The following RAD54B variants were observed in gnomAD, a reference collection of about 807,000 sequenced individuals.
RAD54B encodes DNA repair and recombination protein RAD54B.
RAD54B carries 78 observed loss-of-function variants against 95.8 expected under a neutral mutation model. The ratio of observed to expected loss-of-function variants is 0.81; its 90% CI spans 0.68 to 0.98. RAD54B has a LOEUF of 0.98. Ranked by LOEUF, RAD54B falls within the 50% of genes least tolerant of loss-of-function variation. The probability of loss-of-function intolerance (pLI) is 0.00; values close to 1 mark genes in which losing one functional copy is unlikely to be tolerated. For missense variants in RAD54B, 957 were observed against 1,056.6 expected (o/e 0.91, Z 1.31); for synonymous variants, 328 against 354.9 (o/e 0.92, Z 0.85).
intron 3 of RAD54B, chr8:94,431,761 A>C (rs1417443885): frequency 1.0e-6 from 1 of 997,408 alleles, no homozygotes; most frequent in Non-Finnish European, 1.2e-6. Context: ...AATTAGACTG[A>C]CTTAAAAATC....
At chr8:94,468,553 C>T (rs771445189) in intron 1 of RAD54B, among the ~76,000 whole-genome samples, 42 of 151,586 alleles carry the variant, frequency 2.8e-4, no homozygotes, top group Non-Finnish European at 4.9e-4. Context: ...AGGCCGAGCA[C>T]GGTGGCTCAT....
At chr8:94,452,318 T>G (rs2130163752) in intron 3 of RAD54B, among the ~76,000 whole-genome samples, 1 of 152,352 alleles carries the variant, frequency 6.6e-6, no homozygotes, top group South Asian at 2.1e-4. Flanking sequence ...TTTTGACTGT[T>G]GTACTTCTGT....
rs7818157 is a variant in RAD54B at position 94,399,347 on chromosome 8, C to T, written c.1378+67G>A. On this transcript the variant is annotated intron_variant, in intron 8 of 14. Coordinates refer to ENST00000336148, the MANE Select transcript of RAD54B (RefSeq NM_012415.3). The stretch of plus-strand genomic sequence containing the variant: ...CACCAGTTATTTGAATGTTAAGCAT[C>T]ATAGTACAAGTCTGTATGTTCACTA... The T allele has an allele frequency of 2.7e-3, 3,276 of 1,226,654 alleles. 62 individuals carry two copies. The African/African-American group carries it at 0.043, about 16-fold the overall frequency. The allele number at this position is 1,226,654 out of a possible 1,614,324, so 76.0% of individuals were successfully genotyped here. A position where few individuals can be genotyped will look rare whatever the true frequency, so the allele number is the denominator to read the frequency against.
At chr8:94,461,465 G>A (rs542522215) in intron 2 of RAD54B, among the ~76,000 whole-genome samples, 14 of 151,028 alleles carry the variant, frequency 9.3e-5, no homozygotes, top group African/African-American at 3.4e-4. Context: ...CACCACACCC[G>A]GCCATAAATA....
intron 3 of RAD54B, 34 bp from the exon 4 acceptor site, chr8:94,411,349 A>G: frequency 2.0e-6 from 3 of 1,503,394 alleles, no homozygotes; most frequent in Non-Finnish European, 2.7e-6. Flanking sequence ...ATTATTAAAA[A>G]TGACTTTAAT....
chr8:94,371,998 A>G lies in RAD54B; in HGVS notation c.*172T>C. ...GCACATCTTTATTTTTCATTTAAAC[A>G]CTTAATATTTACAAAACATTAAACC... On this transcript the variant is annotated 3_prime_UTR_variant, in exon 15 of 15. Transcript: ENST00000336148. The G allele has an allele frequency of 9.0e-7, 1 of 1,117,246 alleles. No homozygotes were observed. The highest frequency in any genetic ancestry group is 1.2e-6 in the Non-Finnish European group (1 of 841,602). 69.2% of individuals were successfully genotyped at this position (1,117,246 alleles called of 1,614,324 possible).
At chr8:94,422,639 T>A (rs1307746475) in intron 3 of RAD54B, among the ~76,000 whole-genome samples, 14 of 105,698 alleles carry the variant, frequency 1.3e-4, no homozygotes, top group South Asian at 3.3e-4. Context: ...TATATATATA[T>A]ATATATATAT....
Position 94,399,581 on chromosome 8 carries a change from G to C in RAD54B, c.1211C>G (p.Ser404Cys), listed in dbSNP as rs1293135582. The C allele has an allele frequency of 2.5e-6, 4 of 1,611,960 alleles. No homozygotes were observed. The highest frequency in any genetic ancestry group is 3.4e-6 in the Non-Finnish European group (4 of 1,179,242). The change falls in exon 8 of 15, where the codon TCT becomes TGT. Residue 404 changes from serine to cysteine, a missense_variant. Coordinates refer to ENST00000336148, the MANE Select transcript of RAD54B (RefSeq NM_012415.3). ...CATTTCATAACTGATAATAAGAACA[G>C]AATAAAATATAGACTTGATGAATTC... ...VEEFIKSIFY[S>C]VLIISYEMLL...
chr8:94,381,059 A>G (rs1330661812), intron 11 of RAD54B, among the ~76,000 whole-genome samples: 1 of 152,228 alleles, frequency 6.6e-6, no homozygotes, highest in Non-Finnish European at 1.5e-5. Flanking sequence ...CAGGAGGCTG[A>G]AACAGGAAGA....
chr8:94,412,419 A>G (rs954265248), intron 3 of RAD54B, among the ~76,000 whole-genome samples: 4 of 151,540 alleles, frequency 2.6e-5, no homozygotes, highest in Non-Finnish European at 4.4e-5. Flanking sequence ...GTTGGATCAT[A>G]TGATATGTTA....
intron 6 of RAD54B, among the ~76,000 whole-genome samples, chr8:94,402,073 T>C (rs1023789401): frequency 2.0e-5 from 3 of 152,318 alleles, no homozygotes; most frequent in Admixed American, 1.3e-4. Flanking sequence ...CTGTATCTTA[T>C]ATATCAGCAT....
At chr8:94,430,546 A>C (rs942793217) in intron 3 of RAD54B, 1 of 753,376 alleles carries the variant, frequency 1.3e-6, no homozygotes, top group African/African-American at 1.9e-5. Context: ...CAGGGTTTCT[A>C]ATTCACTTGG....
Position 94,411,222 on chromosome 8 carries a change from G to C in RAD54B, c.398C>G (p.Pro133Arg), listed in dbSNP as rs75952907. Residue 133 changes from proline (P) to arginine (R), a missense_variant, in exon 4 of 15, where the codon CCT becomes CGT. Coordinates refer to ENST00000336148, the MANE Select transcript of RAD54B (RefSeq NM_012415.3). The stretch of plus-strand genomic sequence containing the variant: ...CCACTTTTTATGTTTTTTCTTTGAA[G>C]GCTTACACCAAACAACACTGAAATA... ...VKYFSVVWCK[P>R]SKKKHKKWEG... 2.5e-6 allele frequency: 4 copies of C among 1,611,240 alleles called. No individual in the cohort carries two copies. Among genetic ancestry groups the C allele is most frequent in the African/African-American group, 1.3e-5 (1 of 74,614 alleles).
intron 10 of RAD54B, 64 bp downstream of exon 10, chr8:94,391,545 T>C (rs1811019548): frequency 2.0e-6 from 3 of 1,498,734 alleles, no homozygotes; most frequent in Non-Finnish European, 2.7e-6. Context: ...CTGTCTGCCC[T>C]CTTAGATTCA....
intron 4 of RAD54B, among the ~76,000 whole-genome samples, chr8:94,410,262 C>T (rs1332200612): frequency 2.0e-5 from 3 of 152,140 alleles, no homozygotes; most frequent in Middle Eastern, 3.2e-3. Flanking sequence ...TTAAATGGTT[C>T]TTTTATGCTC....
At position 94,399,557 on chromosome 8, in the gene RAD54B, A is replaced by G; in HGVS notation, c.1235T>C (p.Met412Thr). The G allele has an allele frequency of 3.1e-6, 5 of 1,613,032 alleles. No individual in the cohort carries two copies. The highest frequency in any genetic ancestry group is 4.2e-6 in the Non-Finnish European group (5 of 1,179,432). ...FYSVLIISYE[M>T]LLRSLDQIKN... Reference sequence around the variant, plus strand: ...AATTTGATCCAGGGAACGAAGTAACATTTCATAACTGATAATAAGAACAGA... The same window carrying G: ...AATTTGATCCAGGGAACGAAGTAACGTTTCATAACTGATAATAAGAACAGA... The change falls in exon 8 of 15, where the codon ATG (methionine) becomes ACG (threonine). Residue 412 changes from methionine to threonine, a missense_variant. Coordinates refer to ENST00000336148, the MANE Select transcript of RAD54B (RefSeq NM_012415.3).
chr8:94,374,236 G>A (rs981971455), intron 14 of RAD54B, among the ~76,000 whole-genome samples: 4 of 151,260 alleles, frequency 2.6e-5, no homozygotes, highest in African/African-American at 7.3e-5. Flanking sequence ...CCGAGATAGC[G>A]CCACTGCACA....
intron 3 of RAD54B, among the ~76,000 whole-genome samples, chr8:94,435,971 C>A (rs1368356256): frequency 6.6e-6 from 1 of 152,022 alleles, no homozygotes; most frequent in South Asian, 2.1e-4. Context: ...TTCATATACA[C>A]AATCATGCCA....
At chr8:94,381,279 G>T (rs1200075444) in intron 11 of RAD54B, among the ~76,000 whole-genome samples, 1 of 152,174 alleles carries the variant, frequency 6.6e-6, no homozygotes, top group Non-Finnish European at 1.5e-5. Flanking sequence ...AGACTTAAAT[G>T]ATTCCACAGA....
Sources: gnomAD v4.1 joint callset for allele counts (sites outside exome capture counted in the v4.1 genomes callset) on GRCh38, gnomAD v4.1.1 for gene constraint, MANE v1.5 for transcripts, NCBI Gene and HGNC (gene_info 2026-07-23, HGNC 2026-07-21) for gene names.